The following RGSL1 variants were observed in gnomAD, a reference collection of about 807,000 sequenced individuals.
RGSL1 encodes regulator of G protein signaling like 1, also known as regulator of G protein signaling protein-like.
Under a neutral mutation model 124.7 loss-of-function variants are expected in RGSL1, and 97 were observed. That is an observed-to-expected ratio of 0.78 (90% confidence interval 0.66 to 0.92). The LOEUF (loss-of-function observed/expected upper bound fraction) is 0.92. RGSL1 is among the 40% of genes least tolerant of loss of function. The probability of loss-of-function intolerance (pLI) is 0.00; values close to 1 mark genes in which losing one functional copy is unlikely to be tolerated. For synonymous variants in RGSL1, 424 were observed against 438.1 expected (o/e 0.97, Z 0.40); for missense variants, 1,233 against 1,288.4 (o/e 0.96, Z 0.66).
At chr1:182,485,852 G>A (rs1193963288) in intron 6 of RGSL1, among the ~76,000 whole-genome samples, 1 of 152,128 alleles carries the variant, frequency 6.6e-6, no homozygotes. Flanking sequence ...TAGGGCACAT[G>A]GATAATACAT....
intron 9 of RGSL1, among the ~76,000 whole-genome samples, chr1:182,496,714 C>A (rs1327449646): frequency 6.6e-6 from 1 of 152,148 alleles, no homozygotes; most frequent in Non-Finnish European, 1.5e-5. Flanking sequence ...CATCTGGCAG[C>A]CTTATATTTC....
chr1:182,480,099 A>C (rs1654582591), intron 6 of RGSL1, among the ~76,000 whole-genome samples: 2 of 152,204 alleles, frequency 1.3e-5, no homozygotes, highest in Admixed American at 1.3e-4. Flanking sequence ...ACAGAAAATG[A>C]ACAAAGAAAG....
At chr1:182,533,023 C>A (rs1317172383) in intron 14 of RGSL1, among the ~76,000 whole-genome samples, 1 of 152,104 alleles carries the variant, frequency 6.6e-6, no homozygotes, top group African/African-American at 2.4e-5. Context: ...TAAGGTACTG[C>A]AAAATCTCAC....
chr1:182,497,570 C>G (rs1011635404), intron 9 of RGSL1, among the ~76,000 whole-genome samples: 1 of 152,096 alleles, frequency 6.6e-6, no homozygotes, highest in South Asian at 2.1e-4. Context: ...ATACTTTCAA[C>G]AAACAAGGAC....
Position 182,550,864 on chromosome 1 carries a change from G to A in RGSL1, c.2934-236G>A. On this transcript the variant is annotated intron_variant, in intron 17 of 21. Transcript: ENST00000294854. ...CTCCATTCACTGATGGTTCCAGAAA[G>A]AAGCCCCAACAAACTGCCCATGCCA... 1.2e-5 allele frequency: 6 copies of A among 511,976 alleles called. No homozygotes were observed. In the South Asian group the frequency reaches 1.9e-4, roughly 16 times the overall value. 31.7% of individuals were successfully genotyped at this position (511,976 alleles called of 1,614,324 possible).
At chr1:182,460,228 A>ATG (rs369221755) in intron 4 of RGSL1, 95 bp downstream of exon 4, 17,482 of 1,352,296 alleles carry the variant, frequency 0.013, 131 homozygotes, top group Middle Eastern at 0.047. Flanking sequence ...TTATGCCTGT[A>ATG]TGTGTGTGTG....
intron 7 of RGSL1, 153 bp from the exon 8 acceptor site, chr1:182,488,827 G>A (rs922292174): frequency 8.5e-6 from 5 of 585,092 alleles, no homozygotes; most frequent in Non-Finnish European, 1.2e-5. Context: ...GGTGGGGGTT[G>A]GCATGTAAAG....
At chr1:182,459,381 C>T (rs1443324726) in intron 3 of RGSL1, among the ~76,000 whole-genome samples, 1 of 152,172 alleles carries the variant, frequency 6.6e-6, no homozygotes, top group Non-Finnish European at 1.5e-5. Context: ...CCACTCTAAA[C>T]CCTGATAACA....
chr1:182,455,321 C>A (rs529083746), intron 2 of RGSL1, among the ~76,000 whole-genome samples: 1 of 152,286 alleles, frequency 6.6e-6, no homozygotes, highest in African/African-American at 2.4e-5. Flanking sequence ...GTGGCTCATG[C>A]CTGTAACCCC....
chr1:182,447,981 A>G (rs1379837143), upstream of RGSL1: 3 of 152,034 alleles, frequency 2.0e-5, no homozygotes, highest in Non-Finnish European at 4.4e-5. Context: ...AAAAAAAAAA[A>G]AAAAGCATTT....
intron 21 of RGSL1, among the ~76,000 whole-genome samples, chr1:182,560,006 G>C (rs1456683740): frequency 6.6e-6 from 1 of 152,226 alleles, no homozygotes; most frequent in Non-Finnish European, 1.5e-5. Context: ...CTAGCACAGT[G>C]ACATGCAGAT....
rs649437 is a variant in RGSL1, at chr1:182,474,327, T to C, written c.1216T>C (p.Leu406=). The part of the protein sequence containing the change: ...EIQLLDLWQD[L]QHFLSVLLNN... ...CCAACTTCTTGACCTCTGGCAGGAC[T>C]TGCAGCATTTCCTCAGTGTCCTTCT... The change falls in exon 6 of 22, where the codon TTG becomes CTG. Residue 406 remains leucine (L), a synonymous_variant. Transcript: ENST00000294854. 0.36 allele frequency: 564,867 copies of C among 1,551,568 alleles called. 106,647 individuals carry two copies. Among genetic ancestry groups the C allele is most frequent in the Admixed American group, 0.53 (26,942 of 50,982 alleles).
At chr1:182,539,646 T>G (rs932514004) in intron 14 of RGSL1, among the ~76,000 whole-genome samples, 1 of 152,190 alleles carries the variant, frequency 6.6e-6, no homozygotes, top group Non-Finnish European at 1.5e-5. Context: ...TTCTCAGACC[T>G]GAATCCCTAC....
chr1:182,487,500 A>G (rs1011132346), intron 6 of RGSL1, among the ~76,000 whole-genome samples: 1 of 152,186 alleles, frequency 6.6e-6, no homozygotes, highest in Non-Finnish European at 1.5e-5. Context: ...ACTGCATGGC[A>G]TGATCTTTAC....
intron 6 of RGSL1, among the ~76,000 whole-genome samples, chr1:182,480,193 T>G (rs1654589292): frequency 6.6e-6 from 1 of 152,186 alleles, no homozygotes. Flanking sequence ...GAATAATTAT[T>G]CATCCCAGGT....
At chr1:182,470,933 T>C (rs1448130271) in intron 4 of RGSL1, among the ~76,000 whole-genome samples, 2 of 152,212 alleles carry the variant, frequency 1.3e-5, no homozygotes, top group Non-Finnish European at 2.9e-5. Flanking sequence ...AATCACCTGC[T>C]ATATTCAACT....
intron 9 of RGSL1, among the ~76,000 whole-genome samples, chr1:182,510,751 A>C (rs1015455232): frequency 6.6e-6 from 1 of 150,956 alleles, no homozygotes; most frequent in Non-Finnish European, 1.5e-5. Flanking sequence ...ACGTCTATTC[A>C]GAGCTTTTGC....
At chr1:182,553,745 C>A (rs896507291) in intron 19 of RGSL1, among the ~76,000 whole-genome samples, 1 of 152,130 alleles carries the variant, frequency 6.6e-6, no homozygotes, top group Non-Finnish European at 1.5e-5. Context: ...GCTCTGTGAG[C>A]AACTCTCATC....
chr1:182,462,591 T>C (rs1652939248), intron 4 of RGSL1, among the ~76,000 whole-genome samples: 1 of 152,230 alleles, frequency 6.6e-6, no homozygotes, highest in South Asian at 2.1e-4. Flanking sequence ...TAACTTTGGT[T>C]GGTAACTCCA....
Sources: gnomAD v4.1 joint callset for allele counts (sites outside exome capture counted in the v4.1 genomes callset) on GRCh38, gnomAD v4.1.1 for gene constraint, MANE v1.5 for transcripts, NCBI Gene and HGNC (gene_info 2026-07-23, HGNC 2026-07-21) for gene names.